Variants in RANBP3L observed in about 807,000 individuals in gnomAD.
RANBP3L encodes RAN binding protein 3 like.
RANBP3L carries 56 observed loss-of-function variants against 67.2 expected under a neutral mutation model. The ratio of observed to expected loss-of-function variants is 0.83; its 90% CI spans 0.67 to 1.04. The LOEUF (loss-of-function observed/expected upper bound fraction) is 1.04, where lower values mean the gene tolerates loss of function less well. Among genes scored for constraint, RANBP3L ranks in the 50% least tolerant of loss-of-function variants. The pLI is 0.00. For synonymous variants in RANBP3L, 164 were observed against 181.4 expected (o/e 0.90, Z 0.77); for missense variants, 496 against 535.5 (o/e 0.93, Z 0.73).
chr5:36,265,175 TTC>T, intron 5 of RANBP3L, 77 bp from the exon 6 acceptor site: 1 of 939,176 alleles, frequency 1.1e-6, no homozygotes, highest in Non-Finnish European at 1.5e-6. Context: ...ATTAATATAA[TTC>T]TTATTTTCTA....
intron 6 of RANBP3L, 54 bp from the exon 7 acceptor site, chr5:36,262,096 C>G (rs1749440376): frequency 2.4e-6 from 2 of 850,070 alleles, no homozygotes; most frequent in African/African-American, 3.4e-5. Flanking sequence ...TACTATAGGA[C>G]CATCAGACAA....
intron 4 of RANBP3L, among the ~76,000 whole-genome samples, chr5:36,266,453 G>A (rs192262476): frequency 1.0e-3 from 159 of 152,182 alleles, no homozygotes; most frequent in Non-Finnish European, 7.6e-4. Flanking sequence ...ATTCTTTAAG[G>A]TGTTATAAAT....
chr5:36,266,425 TA>T lies in RANBP3L; in HGVS notation c.269-906del, dbSNP rs1749792229. 1.3e-5 allele frequency among the ~76,000 whole-genome samples: 2 copies of T among 152,210 alleles called. 1 individual carries two copies. Among genetic ancestry groups the T allele is most frequent in the Admixed American group, 1.3e-4 (2 of 15,284 alleles). On this transcript the variant is annotated intron_variant, in intron 4 of 13. Coordinates refer to ENST00000296604, the MANE Select transcript of RANBP3L (RefSeq NM_145000.5). Reference sequence around the variant, plus strand: ...GCATTTAATGAAAATGAGAAAAGAATAATTGCTTCTTCAAAGTATTCTTTAA... The same window carrying T: ...GCATTTAATGAAAATGAGAAAAGAATATTGCTTCTTCAAAGTATTCTTTAA...
intron 1 of RANBP3L, among the ~76,000 whole-genome samples, chr5:36,296,220 G>T (rs1752206179): frequency 6.6e-6 from 1 of 152,102 alleles, no homozygotes. Context: ...CAAATCTGAG[G>T]GGTTGTGGGA....
chr5:36,294,236 T>A (rs1752023877), intron 1 of RANBP3L, among the ~76,000 whole-genome samples: 2 of 152,262 alleles, frequency 1.3e-5, no homozygotes, highest in Non-Finnish European at 2.9e-5. Flanking sequence ...TTCTGTGGGA[T>A]CGGTGGTGAT....
chr5:36,266,371 A>G (rs942318361), intron 4 of RANBP3L, among the ~76,000 whole-genome samples: 1 of 152,202 alleles, frequency 6.6e-6, no homozygotes, highest in African/African-American at 2.4e-5. Context: ...TCTCCTCTTC[A>G]TTGCAAATTG....
At chr5:36,280,969 G>A (rs1427792174) in intron 1 of RANBP3L, among the ~76,000 whole-genome samples, 1 of 152,196 alleles carries the variant, frequency 6.6e-6, no homozygotes, top group African/African-American at 2.4e-5. Flanking sequence ...TGATCACCAA[G>A]GATGCTTCTT....
chr5:36,298,532 T>A (rs549693792), intron 1 of RANBP3L, among the ~76,000 whole-genome samples: 4 of 152,248 alleles, frequency 2.6e-5, no homozygotes, highest in Admixed American at 1.3e-4. Context: ...GAACTTCACA[T>A]AATAGCAAGG....
chr5:36,296,457 T>C (rs1166296091), intron 1 of RANBP3L, among the ~76,000 whole-genome samples: 1 of 152,178 alleles, frequency 6.6e-6, no homozygotes, highest in Admixed American at 6.5e-5. Flanking sequence ...GTCTTGGTTA[T>C]CCATGGAGAA....
Position 36,264,993 on chromosome 5 carries a change from T to C in RANBP3L, c.446A>G (p.Glu149Gly). 6.2e-7 allele frequency: 1 copy of C among 1,613,838 alleles called. No homozygotes were observed. The highest frequency in any genetic ancestry group is 8.5e-7 in the Non-Finnish European group (1 of 1,179,880). The change falls in exon 6 of 14, where the codon GAA (glutamate) becomes GGA (glycine). Residue 149 changes from glutamate to glycine, a missense_variant. Transcript: ENST00000296604. ...VRKTFGHKAL[E>G]SCKTKEKTNN... ...TGTTTTTTCTTTAGTCTTGCAAGAT[T>C]CCAGTGCCTTGTGTCCAAATGTTTT...
chr5:36,262,320 T>G (rs755274205), intron 6 of RANBP3L, among the ~76,000 whole-genome samples: 1 of 152,192 alleles, frequency 6.6e-6, no homozygotes, highest in Non-Finnish European at 1.5e-5. Context: ...AATATCATAA[T>G]ATTCAGAAAT....
chr5:36,296,851 C>A (rs1752252448), intron 1 of RANBP3L, among the ~76,000 whole-genome samples: 1 of 152,118 alleles, frequency 6.6e-6, no homozygotes, highest in Non-Finnish European at 1.5e-5. Context: ...CTGAATAGAA[C>A]AAAAGACTGA....
chr5:36,295,867 G>T (rs1752177394), intron 1 of RANBP3L, among the ~76,000 whole-genome samples: 2 of 151,982 alleles, frequency 1.3e-5, no homozygotes, highest in Admixed American at 1.3e-4. Context: ...CCAAACATGT[G>T]ATTAGAGATT....
Position 36,260,843 on chromosome 5 carries a change from T to C in RANBP3L, c.606A>G (p.Lys202=), listed in dbSNP as rs1479171720. 2.0e-6 allele frequency: 3 copies of C among 1,510,040 alleles called. No individual in the cohort carries two copies. The highest frequency in any genetic ancestry group is 1.7e-5 in the Admixed American group (1 of 57,634). The allele number at this position is 1,510,040 out of a possible 1,614,324, so 93.5% of individuals were successfully genotyped here. The change falls in exon 8 of 14, where the codon AAA becomes AAG. Residue 202 remains lysine, a synonymous_variant. Coordinates refer to ENST00000296604, the MANE Select transcript of RANBP3L (RefSeq NM_145000.5). ...TSVGCQPNED[K]CSFKSCSSNF... is the part of the protein sequence containing the mutation. The stretch of plus-strand genomic sequence containing the variant: ...TGGAACTGCAGCTTTTAAAAGAACA[T>C]TTATCTTCATTTGGTTGACATCTAA...
Position 36,287,190 on chromosome 5 carries a change from A to C in RANBP3L, c.91+14136T>G, listed in dbSNP as rs1222749321. On this transcript the variant is annotated intron_variant, in intron 1 of 13. Coordinates refer to ENST00000296604, the MANE Select transcript of RANBP3L (RefSeq NM_145000.5). ...ACGCTCCAGTGAGACTCTAATGTGC[A>C]TTGATCTGACAGGAGGCGGAGCTCA... 2.0e-5 allele frequency among the ~76,000 whole-genome samples: 3 copies of C among 152,312 alleles called. No homozygotes were observed. In the East Asian group the frequency reaches 5.8e-4, roughly 29 times the overall value.
rs78279395 is a variant in RANBP3L, at chr5:36,260,012, A to C, written c.669+768T>G. On this transcript the variant is annotated intron_variant, in intron 8 of 13. Coordinates refer to ENST00000296604, the MANE Select transcript of RANBP3L (RefSeq NM_145000.5). ...ATGAATTTTCTCTGAAAGCTAGCAA[A>C]AGAAAGTTATAATAATGCTTTTTGA... is the stretch of plus-strand genomic sequence containing the variant. Among the ~76,000 whole-genome samples, 656 of 152,234 alleles carry C rather than the reference A, an allele frequency of 4.3e-3. 4 individuals are homozygous for C. Among genetic ancestry groups the C allele is most frequent in the Non-Finnish European group, 7.0e-3 (474 of 68,018 alleles).
rs1752627319 is a variant in RANBP3L, at chr5:36,301,695, CT to C, written c.-280del. On this transcript the variant is annotated 5_prime_UTR_variant, in exon 1 of 14. Coordinates refer to ENST00000296604, the MANE Select transcript of RANBP3L (RefSeq NM_145000.5). Reference sequence around the variant, plus strand: ...TCCTTCATTTCAAAACAAATTGAAACTAAACCTCCTTATAGAGTAAAATTCT... The same window carrying C: ...TCCTTCATTTCAAAACAAATTGAAACAAACCTCCTTATAGAGTAAAATTCT... 2.8e-6 allele frequency: 1 copy of C among 353,356 alleles called. No homozygotes were observed. The highest frequency in any genetic ancestry group is 4.1e-5 in the Admixed American group (1 of 24,654). 21.9% of individuals were successfully genotyped at this position (353,356 alleles called of 1,614,324 possible). A position where few individuals can be genotyped will look rare whatever the true frequency, so the allele number is the denominator to read the frequency against.
intron 10 of RANBP3L, among the ~76,000 whole-genome samples, chr5:36,256,508 T>G (rs1256305851): frequency 6.6e-6 from 1 of 152,142 alleles, no homozygotes; most frequent in Non-Finnish European, 1.5e-5. Context: ...TACATGAAAT[T>G]CTAAACTTTT....
intron 1 of RANBP3L, among the ~76,000 whole-genome samples, chr5:36,287,551 A>T (rs1481464030): frequency 6.6e-6 from 1 of 152,232 alleles, no homozygotes; most frequent in Non-Finnish European, 1.5e-5. Context: ...ATAACTCATG[A>T]GTCAGTTGTG....
Sources: allele counts gnomAD v4.1 joint callset (sites outside exome capture counted in the v4.1 genomes callset), GRCh38; gene constraint gnomAD v4.1.1; transcripts MANE v1.5; gene names NCBI Gene and HGNC (gene_info 2026-07-23, HGNC 2026-07-21).